Variants in ANKS1B observed in about 807,000 individuals in gnomAD.
The protein encoded by ANKS1B is ankyrin repeat and sterile alpha motif domain-containing protein 1B.
Under a neutral mutation model 148.3 loss-of-function variants are expected in ANKS1B, and 36 were observed. That is an observed-to-expected ratio of 0.24 (90% CI 0.19 to 0.32). ANKS1B has a LOEUF of 0.32. Ranked by LOEUF, ANKS1B falls within the 10% of genes least tolerant of loss-of-function variation. The pLI is 1.00. For missense variants in ANKS1B, 1,157 were observed against 1,542.6 expected (o/e 0.75, Z 4.19); for synonymous variants, 542 against 560.8 (o/e 0.97, Z 0.47).
chr12:99,174,576 A>G (rs1169467308), intron 14 of ANKS1B, among the ~76,000 whole-genome samples: 1 of 152,156 alleles, frequency 6.6e-6, no homozygotes, highest in Non-Finnish European at 1.5e-5. Flanking sequence ...CACAGGGCAT[A>G]AGATTGCAAA....
rs1322906451 is a variant in ANKS1B, at chr12:99,870,972, T to G, written c.135-45583A>C. The stretch of plus-strand genomic sequence containing the variant: ...TTTTTATTTTTGTTGCAATTGCTTT[T>G]GAGACTTAGTCATAAATTCTTTCCC... On this transcript the variant is annotated intron_variant, in intron 1 of 26. Transcript: ENST00000683438. Among the ~76,000 whole-genome samples the G allele has an allele frequency of 2.6e-5, 4 of 152,180 alleles. No individual in the cohort carries two copies. In the South Asian group the frequency reaches 6.2e-4, roughly 24 times the overall value.
intron 24 of ANKS1B, among the ~76,000 whole-genome samples, chr12:98,777,446 C>T (rs1261948129): frequency 6.6e-6 from 1 of 152,146 alleles, no homozygotes; most frequent in African/African-American, 2.4e-5. Context: ...CAACCTGCTC[C>T]TCAGCTGAGC....
chr12:99,330,399 C>T (rs1198417762), intron 12 of ANKS1B, among the ~76,000 whole-genome samples: 1 of 151,892 alleles, frequency 6.6e-6, no homozygotes, highest in Non-Finnish European at 1.5e-5. Context: ...TTAGATATGG[C>T]CCTGCCATCT....
intron 1 of ANKS1B, among the ~76,000 whole-genome samples, chr12:99,955,830 C>T (rs930794921): frequency 1.7e-4 from 26 of 152,040 alleles, no homozygotes; most frequent in African/African-American, 6.3e-4. Context: ...TAGCTCACAG[C>T]TTAGTATATA....
intron 14 of ANKS1B, among the ~76,000 whole-genome samples, chr12:99,171,000 G>T (rs185015549): frequency 5.9e-5 from 9 of 152,262 alleles, no homozygotes; most frequent in Admixed American, 5.2e-4. Flanking sequence ...TCTTAAGAAG[G>T]CTATGCCCAC....
At chr12:99,578,900 T>G (rs1256290816) in intron 9 of ANKS1B, among the ~76,000 whole-genome samples, 1 of 152,064 alleles carries the variant, frequency 6.6e-6, no homozygotes, top group East Asian at 1.9e-4. Flanking sequence ...AAAACAATCC[T>G]AAACAAAAAG....
intron 17 of ANKS1B, among the ~76,000 whole-genome samples, chr12:98,971,946 T>C (rs1302160051): frequency 6.6e-6 from 1 of 152,130 alleles, no homozygotes. Context: ...GGCAGGTGGA[T>C]CACTTGAGGT....
At chr12:99,153,451 T>C (rs1466994735) in intron 15 of ANKS1B, among the ~76,000 whole-genome samples, 1 of 152,160 alleles carries the variant, frequency 6.6e-6, no homozygotes, top group Admixed American at 6.5e-5. Flanking sequence ...GTAATAGAGC[T>C]GTGACGTAGC....
At chr12:99,925,382 G>A (rs2094457382) in intron 1 of ANKS1B, among the ~76,000 whole-genome samples, 1 of 152,156 alleles carries the variant, frequency 6.6e-6, no homozygotes, top group Admixed American at 6.6e-5. Context: ...CATACCAGAA[G>A]ATAAAAGGAA....
intron 1 of ANKS1B, among the ~76,000 whole-genome samples, chr12:99,876,041 C>A (rs533928966): frequency 6.6e-6 from 1 of 152,208 alleles, no homozygotes; most frequent in South Asian, 2.1e-4. Context: ...GAATCCAAGA[C>A]AGCAATATGT....
intron 1 of ANKS1B, among the ~76,000 whole-genome samples, chr12:99,848,499 A>G (rs2087097770): frequency 6.6e-6 from 1 of 152,192 alleles, no homozygotes; most frequent in African/African-American, 2.4e-5. Context: ...ATGTAAAAGA[A>G]CAACTGGCAC....
Position 98,821,876 on chromosome 12 carries a change from G to C in ANKS1B, c.3066+7298C>G, listed in dbSNP as rs542099277. ...ACCGGCCTCAGCCTCCCAAATTGCTGAGATTACAGGCATAAGCCACGATGC... is the reference window on the plus strand; with the variant it reads ...ACCGGCCTCAGCCTCCCAAATTGCTCAGATTACAGGCATAAGCCACGATGC... On this transcript the variant is annotated intron_variant, in intron 19 of 26. Coordinates refer to ENST00000683438, the MANE Select transcript of ANKS1B (RefSeq NM_001352186.2). 2.1e-4 allele frequency among the ~76,000 whole-genome samples: 32 copies of C among 151,254 alleles called. No homozygotes were observed. In the South Asian group the frequency reaches 5.9e-3, roughly 28 times the overall value.
chr12:99,725,865 C>T (rs747393804), intron 8 of ANKS1B, among the ~76,000 whole-genome samples: 2 of 152,168 alleles, frequency 1.3e-5, no homozygotes, highest in Non-Finnish European at 2.9e-5. Flanking sequence ...CACACAATTA[C>T]ATGGAAATTG....
intron 17 of ANKS1B, among the ~76,000 whole-genome samples, chr12:99,008,433 G>A (rs921533518): frequency 3.9e-5 from 6 of 152,080 alleles, no homozygotes. Flanking sequence ...AAGGAATTTG[G>A]AATATTATAA....
At chr12:99,563,659 C>T (rs1382424521) in intron 9 of ANKS1B, among the ~76,000 whole-genome samples, 1 of 152,052 alleles carries the variant, frequency 6.6e-6, no homozygotes, top group African/African-American at 2.4e-5. Flanking sequence ...TGAAAATTAA[C>T]AAAATGGAAC....
intron 2 of ANKS1B, among the ~76,000 whole-genome samples, chr12:99,814,129 T>C (rs978421612): frequency 1.1e-4 from 17 of 151,662 alleles, no homozygotes; most frequent in African/African-American, 3.9e-4. Flanking sequence ...GTAGCCTAGG[T>C]GTGTGACAGG....
chr12:99,975,817 G>T (rs532083938), intron 1 of ANKS1B, among the ~76,000 whole-genome samples: 1 of 152,250 alleles, frequency 6.6e-6, no homozygotes, highest in Non-Finnish European at 1.5e-5. Context: ...ACCTAAAATT[G>T]CTACCATTCG....
At chr12:99,817,958 T>C (rs908144326) in intron 2 of ANKS1B, among the ~76,000 whole-genome samples, 1 of 151,728 alleles carries the variant, frequency 6.6e-6, no homozygotes, top group Admixed American at 6.6e-5. Context: ...CTGTCAGTTG[T>C]TGAAGCTGGG....
chr12:99,228,685 C>T (rs1258327242), intron 14 of ANKS1B, among the ~76,000 whole-genome samples: 1 of 151,882 alleles, frequency 6.6e-6, no homozygotes, highest in African/African-American at 2.4e-5. Flanking sequence ...ATACATACAA[C>T]AAGAACATAA....
Sources: gnomAD v4.1 joint callset for allele counts (sites outside exome capture counted in the v4.1 genomes callset) on GRCh38, gnomAD v4.1.1 for gene constraint, MANE v1.5 for transcripts, NCBI Gene and HGNC (gene_info 2026-07-23, HGNC 2026-07-21) for gene names.